Variants in NHSL2 observed in about 807,000 individuals in gnomAD.
The protein encoded by NHSL2 is NHS like 2.
A neutral mutation model predicts 53.4 loss-of-function variants in NHSL2; 27 were observed. The ratio of observed to expected loss-of-function variants is 0.51; its 90% CI spans 0.37 to 0.70. NHSL2 has a LOEUF of 0.70. NHSL2 is among the 30% of genes least tolerant of loss of function. The probability of loss-of-function intolerance (pLI) is 0.00; values close to 1 mark genes in which losing one functional copy is unlikely to be tolerated. For synonymous variants in NHSL2, 408 were observed against 404.1 expected, an observed-to-expected ratio of 1.01 and a Z score of -0.12; for missense variants, 892 against 980.1, an observed-to-expected ratio of 0.91 and a Z score of 1.20.
chrX:71,962,767 C>A (rs1265287732), intron 1 of NHSL2, among the ~76,000 whole-genome samples: 1 of 107,905 alleles, frequency 9.3e-6, no homozygotes, highest in Non-Finnish European at 1.9e-5. Flanking sequence ...GTAGCTGGGA[C>A]TACAGGCATG....
At chrX:72,008,124 A>G (rs756226214) in intron 1 of NHSL2, among the ~76,000 whole-genome samples, 4 of 112,918 alleles carry the variant, frequency 3.5e-5, no homozygotes, top group African/African-American at 9.6e-5. Flanking sequence ...TTCCCTTTCA[A>G]TGACCTGCAT....
intron 1 of NHSL2, among the ~76,000 whole-genome samples, chrX:71,942,970 C>CTGTGTGTGTGTGTGTG (rs1348513435): frequency 2.9e-4 from 5 of 17,099 alleles, no homozygotes; most frequent in African/African-American, 7.6e-4. Context: ...CTCTCTCTCT[C>CTGTGTGTGTGTGTGTG]TCTGTGTGTG....
At chrX:71,990,819 G>A (rs1428296627) in intron 1 of NHSL2, among the ~76,000 whole-genome samples, 2 of 111,929 alleles carry the variant, frequency 1.8e-5, no homozygotes, top group African/African-American at 6.5e-5. Flanking sequence ...CCTGGTTTTC[G>A]AGACCCCATT....
At chrX:72,056,242 G>A (rs2042368627) in intron 1 of NHSL2, among the ~76,000 whole-genome samples, 1 of 111,882 alleles carries the variant, frequency 8.9e-6, no homozygotes, top group South Asian at 3.7e-4. Flanking sequence ...CATACTAAGG[G>A]AATAATCAAA....
chrX:72,108,546 G>A (rs571119017), intron 1 of NHSL2, among the ~76,000 whole-genome samples: 2 of 113,154 alleles, frequency 1.8e-5, no homozygotes, highest in South Asian at 3.5e-4. Flanking sequence ...CAGAGCCTTC[G>A]CTCTGCTGCC....
At chrX:71,966,548 A>T (rs753198812) in intron 1 of NHSL2, among the ~76,000 whole-genome samples, 3 of 112,144 alleles carry the variant, frequency 2.7e-5, no homozygotes, top group Non-Finnish European at 5.6e-5. Context: ...CTATAGATAC[A>T]ATCGCTATTT....
At chrX:71,925,193 G>T (rs2041678387) in intron 1 of NHSL2, among the ~76,000 whole-genome samples, 1 of 111,750 alleles carries the variant, frequency 8.9e-6, no homozygotes, top group African/African-American at 3.3e-5. Context: ...CCCAAGAGGT[G>T]GTTATTGACT....
chrX:72,022,613 C>T (rs768365984), intron 1 of NHSL2, among the ~76,000 whole-genome samples: 47 of 111,308 alleles, frequency 4.2e-4, no homozygotes, highest in Admixed American at 1.2e-3. Context: ...GGGATCCACC[C>T]TCAAGAACTA....
chrX:72,014,207 G>T (rs1299010960), intron 1 of NHSL2, among the ~76,000 whole-genome samples: 2 of 111,772 alleles, frequency 1.8e-5, no homozygotes, highest in Non-Finnish European at 3.8e-5. Flanking sequence ...CTAGAGGTTT[G>T]TCAATCTTAC....
intron 1 of NHSL2, among the ~76,000 whole-genome samples, chrX:71,972,767 G>T (rs2041930936): frequency 1.8e-5 from 2 of 110,591 alleles, no homozygotes; most frequent in East Asian, 5.7e-4. Flanking sequence ...GTAATATGTT[G>T]GTGCACTTAA....
At chrX:72,013,931 T>G (rs2042126032) in intron 1 of NHSL2, among the ~76,000 whole-genome samples, 1 of 112,033 alleles carries the variant, frequency 8.9e-6, no homozygotes, top group South Asian at 3.6e-4. Context: ...AATTCTCCAG[T>G]GAAACCATCT....
At chrX:71,977,132 G>T (rs1393435845) in intron 1 of NHSL2, among the ~76,000 whole-genome samples, 1 of 111,956 alleles carries the variant, frequency 8.9e-6, no homozygotes, top group African/African-American at 3.2e-5. Context: ...GCAAGATGAG[G>T]TTAGCATAGC....
intron 1 of NHSL2, among the ~76,000 whole-genome samples, chrX:72,078,806 T>C (rs1483287300): frequency 8.9e-6 from 1 of 112,481 alleles, no homozygotes; most frequent in Admixed American, 9.4e-5. Flanking sequence ...ACCTCAGTCT[T>C]TTTATATGGC....
chrX:72,063,559 T>C (rs1321416873), intron 1 of NHSL2, among the ~76,000 whole-genome samples: 1 of 111,997 alleles, frequency 8.9e-6, no homozygotes, highest in Non-Finnish European at 1.9e-5. Flanking sequence ...CCAGCAGCCT[T>C]GAGGAAGGTA....
At chrX:71,983,430 C>A (rs2041988753) in intron 1 of NHSL2, among the ~76,000 whole-genome samples, 1 of 90,835 alleles carries the variant, frequency 1.1e-5, no homozygotes, top group Non-Finnish European at 2.3e-5. Context: ...CATAGTGAGA[C>A]CCCACCTCTA....
intron 7 of NHSL2, 87 bp from the exon 8 acceptor site, chrX:72,143,166 G>T: frequency 3.1e-6 from 2 of 649,846 alleles, no homozygotes. Context: ...GCTGCCGCCT[G>T]GATTGTGTCA....
chrX:72,040,230 G>A (rs2042266151), intron 1 of NHSL2, among the ~76,000 whole-genome samples: 2 of 111,825 alleles, frequency 1.8e-5, no homozygotes, highest in South Asian at 7.4e-4. Context: ...CAAGGAATCA[G>A]CGCTGGATGG....
intron 1 of NHSL2, among the ~76,000 whole-genome samples, chrX:72,021,051 G>A (rs1298795123): frequency 3.0e-5 from 3 of 99,767 alleles, no homozygotes; most frequent in Non-Finnish European, 5.7e-5. Flanking sequence ...ACACACACAC[G>A]CGTGCGCATA....
In NHSL2 at chrX:72,018,427, A is replaced by G. The variant is rs776319711; in HGVS notation, c.280+107060A>G. 1.2e-4 allele frequency among the ~76,000 whole-genome samples: 14 copies of G among 112,828 alleles called. No individual in the cohort carries two copies. The East Asian group carries it at 3.9e-3, about 32-fold the overall frequency. ...GTTAGAGGTGAAAACTCAACGCGAC[A>G]AGTGGAGGAGAGCGGGCTTTTAGCG... is the stretch of plus-strand genomic sequence containing the variant. On this transcript the variant is annotated intron_variant, in intron 1 of 7. Transcript: ENST00000633930.
Sources: allele counts gnomAD v4.1 joint callset (sites outside exome capture counted in the v4.1 genomes callset), GRCh38; gene constraint gnomAD v4.1.1; transcripts MANE v1.5; gene names NCBI Gene and HGNC (gene_info 2026-07-23, HGNC 2026-07-21).